Variants in RALYL observed in about 807,000 individuals in gnomAD.
RALYL encodes RNA-binding Raly-like protein.
Under a neutral mutation model 35.1 loss-of-function variants are expected in RALYL, and 29 were observed. That is an observed-to-expected ratio of 0.83 (90% CI 0.61 to 1.13). The LOEUF is 1.13. RALYL is among the 50% of genes most tolerant of loss of function. The pLI, the probability that RALYL is intolerant of heterozygous loss-of-function variation, is 0.00. For missense variants in RALYL, 359 were observed against 360.4 expected (o/e 1.00, Z 0.03); for synonymous variants, 120 against 127.6 (o/e 0.94, Z 0.40).
chr8:84,449,890 C>T (rs2049264454), intron 1 of RALYL, among the ~76,000 whole-genome samples: 1 of 151,884 alleles, frequency 6.6e-6, no homozygotes, highest in Admixed American at 6.6e-5. Flanking sequence ...GCATTTACCA[C>T]ATTTTTTGCA....
At chr8:84,915,374 C>T (rs1236830677) in intron 8 of RALYL, among the ~76,000 whole-genome samples, 1 of 152,056 alleles carries the variant, frequency 6.6e-6, no homozygotes, top group Non-Finnish European at 1.5e-5. Context: ...TAGAAGATCT[C>T]ACCTGAATTT....
chr8:84,632,089 G>T (rs542414079), intron 2 of RALYL, among the ~76,000 whole-genome samples: 3 of 151,814 alleles, frequency 2.0e-5, no homozygotes, highest in African/African-American at 4.8e-5. Flanking sequence ...CTATTGAAAG[G>T]GGTTAGTGTC....
chr8:84,861,741 A>G (rs1838147294), intron 5 of RALYL, among the ~76,000 whole-genome samples: 1 of 152,210 alleles, frequency 6.6e-6, no homozygotes, highest in Non-Finnish European at 1.5e-5. Context: ...AAAGATTCTT[A>G]AAGTGAGCTG....
At position 84,310,079 on chromosome 8, in the gene RALYL, C is replaced by T. The variant is rs543127611; in HGVS notation, c.-24+125655C>T. On this transcript the variant is annotated intron_variant, in intron 1 of 8. Coordinates refer to ENST00000521268, the MANE Select transcript of RALYL (RefSeq NM_173848.7). ...TTTTCTTTTTCTTGAGACAGAGTCT[C>T]GCTCTGTCACACAGGCTGGAGTGCA... 8.5e-4 allele frequency among the ~76,000 whole-genome samples: 129 copies of T among 151,422 alleles called. 4 individuals carry two copies. The South Asian group carries it at 0.022, about 26-fold the overall frequency.
At position 84,875,369 on chromosome 8, in the gene RALYL, T is replaced by C. The variant is rs183054061; in HGVS notation, c.685+1972T>C. Among the ~76,000 whole-genome samples the C allele has an allele frequency of 9.2e-4, 140 of 152,294 alleles. 1 individual carries two copies. The highest frequency in any genetic ancestry group is 3.4e-3 in the Middle Eastern group (1 of 294). On this transcript the variant is annotated intron_variant, in intron 7 of 8. Coordinates refer to ENST00000521268, the MANE Select transcript of RALYL (RefSeq NM_173848.7). Reference sequence around the variant, plus strand: ...GAAAAATGTGGTCCTTATTCCATCATAATATACCTTTCAGTTTGCTGCAAT... The same window carrying C: ...GAAAAATGTGGTCCTTATTCCATCACAATATACCTTTCAGTTTGCTGCAAT...
intron 4 of RALYL, among the ~76,000 whole-genome samples, chr8:84,836,849 T>C (rs1347236466): frequency 2.6e-5 from 4 of 152,206 alleles, no homozygotes; most frequent in African/African-American, 9.7e-5. Flanking sequence ...TTACATTATA[T>C]CTTCTGCATT....
intron 3 of RALYL, among the ~76,000 whole-genome samples, chr8:84,782,941 G>T (rs1818534739): frequency 7.5e-6 from 1 of 132,882 alleles, no homozygotes; most frequent in African/African-American, 3.1e-5. Flanking sequence ...TCTTGTTTTA[G>T]GACAGTCCTT....
At chr8:84,676,128 A>T (rs1834143155) in intron 2 of RALYL, among the ~76,000 whole-genome samples, 1 of 152,184 alleles carries the variant, frequency 6.6e-6, no homozygotes, top group Non-Finnish European at 1.5e-5. Flanking sequence ...AATAAATGAA[A>T]TGATGAGCAA....
At chr8:84,683,233 G>A (rs28550430) in intron 2 of RALYL, among the ~76,000 whole-genome samples, 44,217 of 151,864 alleles carry the variant, frequency 0.29, 7,136 homozygotes, top group African/African-American at 0.43. Flanking sequence ...CTGTTCTTTT[G>A]CATTTGCTGA....
chr8:84,607,905 A>C (rs989793709), intron 2 of RALYL, among the ~76,000 whole-genome samples: 2 of 151,706 alleles, frequency 1.3e-5, no homozygotes, highest in Non-Finnish European at 1.5e-5. Flanking sequence ...ATTTAAAAGA[A>C]ATATAAGCAT....
intron 2 of RALYL, among the ~76,000 whole-genome samples, chr8:84,686,840 T>C (rs955548961): frequency 1.3e-5 from 2 of 152,332 alleles, no homozygotes; most frequent in African/African-American, 4.8e-5. Flanking sequence ...TTTGACTTCA[T>C]TTGATGTCTA....
chr8:84,285,621 G>A (rs1227643106), intron 1 of RALYL, among the ~76,000 whole-genome samples: 2 of 152,106 alleles, frequency 1.3e-5, no homozygotes, highest in Admixed American at 1.3e-4. Context: ...TAAAGGTTTG[G>A]AGGAGGTGAG....
chr8:84,568,028 T>A (rs1234641851), intron 2 of RALYL, among the ~76,000 whole-genome samples: 1 of 151,776 alleles, frequency 6.6e-6, no homozygotes. Flanking sequence ...TCTGTTCATG[T>A]CCTTTTCCCA....
chr8:84,261,007 A>G (rs1315438635), intron 1 of RALYL, among the ~76,000 whole-genome samples: 1 of 151,966 alleles, frequency 6.6e-6, no homozygotes, highest in Non-Finnish European at 1.5e-5. Context: ...TATGATCTAT[A>G]TATTTATTGT....
intron 1 of RALYL, among the ~76,000 whole-genome samples, chr8:84,309,869 C>T (rs1026331774): frequency 5.3e-5 from 8 of 152,004 alleles, no homozygotes; most frequent in Admixed American, 1.3e-4. Flanking sequence ...CTCACTGCAA[C>T]CCCCGCCACC....
rs139504258 is a variant in RALYL at position 84,916,196 on chromosome 8, A to G, written c.859-4698A>G. Among the ~76,000 whole-genome samples the G allele has an allele frequency of 3.6e-3, 542 of 152,334 alleles. 4 individuals are homozygous for G. Among genetic ancestry groups the G allele is most frequent in the African/African-American group, 0.012 (507 of 41,582 alleles). ...CACAGAAACTTTTCCTATAAGTATT[A>G]TAAAGTGACTGTCAAACTTTTGCAT... On this transcript the variant is annotated intron_variant, in intron 8 of 8. Coordinates refer to ENST00000521268, the MANE Select transcript of RALYL (RefSeq NM_173848.7).
At chr8:84,483,771 G>A (rs190607345) in intron 1 of RALYL, among the ~76,000 whole-genome samples, 133 of 152,214 alleles carry the variant, frequency 8.7e-4, no homozygotes, top group Non-Finnish European at 4.0e-4. Flanking sequence ...GCAATTGAAA[G>A]CCATCTCTGA....
At chr8:84,574,699 G>GT (rs1808890418) in intron 2 of RALYL, among the ~76,000 whole-genome samples, 1 of 151,974 alleles carries the variant, frequency 6.6e-6, no homozygotes, top group Non-Finnish European at 1.5e-5. Flanking sequence ...GAACACGTTT[G>GT]TTTCCTATAT....
chr8:84,466,756 G>C (rs1460349391), intron 1 of RALYL, among the ~76,000 whole-genome samples: 17 of 143,594 alleles, frequency 1.2e-4, no homozygotes, highest in African/African-American at 3.5e-4. Context: ...GAATTCGGCT[G>C]TGAATCCATC....
Sources: gnomAD v4.1 joint callset for allele counts (sites outside exome capture counted in the v4.1 genomes callset) on GRCh38, gnomAD v4.1.1 for gene constraint, MANE v1.5 for transcripts, NCBI Gene and HGNC (gene_info 2026-07-23, HGNC 2026-07-21) for gene names.